Variants in FBXW7 observed in about 807,000 individuals in gnomAD.
The protein encoded by FBXW7 is F-box/WD repeat-containing protein 7.
A neutral mutation model predicts 86.3 loss-of-function variants in FBXW7; 11 were observed. That is an observed-to-expected ratio of 0.13 (90% CI 0.08 to 0.21). The LOEUF (loss-of-function observed/expected upper bound fraction) is 0.21. Ranked by LOEUF, FBXW7 falls within the 10% of genes least tolerant of loss-of-function variation. FBXW7 has a pLI of 1.00. For synonymous variants in FBXW7, 313 were observed against 297.9 expected, an observed-to-expected ratio of 1.05 and a Z score of -0.52; for missense variants, 488 against 847.4, an observed-to-expected ratio of 0.58 and a Z score of 5.27.
intron 2 of FBXW7, among the ~76,000 whole-genome samples, chr4:152,471,589 G>A (rs1276672265): frequency 6.6e-6 from 1 of 151,762 alleles, no homozygotes; most frequent in Non-Finnish European, 1.5e-5. Context: ...GGGAAAGAGG[G>A]AAAGAGAGAA....
In FBXW7 at chr4:152,324,324, T is replaced by C; in HGVS notation, c.1715A>G (p.Asn572Ser). 6.2e-7 allele frequency: 1 copy of C among 1,612,712 alleles called. No individual in the cohort carries two copies. The highest frequency in any genetic ancestry group is 8.5e-7 in the Non-Finnish European group (1 of 1,179,328). The change falls in exon 13 of 14, where the codon AAT becomes AGT. Residue 572 changes from asparagine to serine, a missense_variant. By Grantham distance (46) the Asn-to-Ser change is conservative. Coordinates refer to ENST00000281708, the MANE Select transcript of FBXW7 (RefSeq NM_001349798.2). ...SIRVWDVETG[N>S]CIHTLTGHQS... is the part of the protein sequence containing the mutation. ...GTGCCCTGTTAACGTGTGAATGCAA[T>C]TCCCTGTCTCCACATCCCAAACACG...
chr4:152,463,547 G>T (rs558777519), intron 2 of FBXW7, among the ~76,000 whole-genome samples: 1 of 152,040 alleles, frequency 6.6e-6, no homozygotes, highest in South Asian at 2.1e-4. Context: ...AGAATAGGTG[G>T]ACAGTTAAAA....
At chr4:152,483,654 T>C (rs1008069617) in intron 2 of FBXW7, among the ~76,000 whole-genome samples, 2 of 152,028 alleles carry the variant, frequency 1.3e-5, no homozygotes, top group African/African-American at 2.4e-5. Context: ...GCCATGATCA[T>C]GCCACTGCAC....
chr4:152,349,612 C>T (rs2126647033), intron 5 of FBXW7, among the ~76,000 whole-genome samples: 1 of 151,990 alleles, frequency 6.6e-6, no homozygotes, highest in South Asian at 2.1e-4. Context: ...ATTTCTAACA[C>T]ATTAATTTCA....
At chr4:152,396,396 C>T (rs1052736609) in intron 4 of FBXW7, among the ~76,000 whole-genome samples, 4 of 152,112 alleles carry the variant, frequency 2.6e-5, no homozygotes, top group African/African-American at 7.2e-5. Context: ...CCCCTCCCTA[C>T]AAGAGCTACT....
At chr4:152,371,165 T>G (rs947113239) in intron 4 of FBXW7, among the ~76,000 whole-genome samples, 14 of 152,040 alleles carry the variant, frequency 9.2e-5, no homozygotes, top group Admixed American at 2.0e-4. Flanking sequence ...TTAAATTATA[T>G]CTACTGTTAT....
At chr4:152,472,700 G>A (rs1398495127) in intron 2 of FBXW7, among the ~76,000 whole-genome samples, 1 of 152,126 alleles carries the variant, frequency 6.6e-6, no homozygotes, top group African/African-American at 2.4e-5. Context: ...CTGGGTTGTG[G>A]TTACAAAAGT....
intron 2 of FBXW7, among the ~76,000 whole-genome samples, chr4:152,495,609 T>C (rs1425602506): frequency 1.3e-5 from 2 of 152,222 alleles, no homozygotes; most frequent in Non-Finnish European, 2.9e-5. Context: ...TCTTAACCTA[T>C]ATTTATCCTT....
chr4:152,467,151 A>G (rs1743529467), intron 2 of FBXW7, among the ~76,000 whole-genome samples: 1 of 152,212 alleles, frequency 6.6e-6, no homozygotes, highest in South Asian at 2.1e-4. Flanking sequence ...CTTGAATTGC[A>G]GTTCTCACAA....
chr4:152,391,204 A>T (rs1735966775), intron 4 of FBXW7, among the ~76,000 whole-genome samples: 1 of 152,148 alleles, frequency 6.6e-6, no homozygotes, highest in South Asian at 2.1e-4. Flanking sequence ...TTAAGTATAG[A>T]ATTAAAGTAC....
Position 152,536,058 on chromosome 4 carries a change from C to G in FBXW7, c.-1144G>C, listed in dbSNP as rs1276504182. The G allele has an allele frequency of 4.1e-5, 8 of 194,948 alleles. No homozygotes were observed. In the South Asian group the frequency reaches 6.2e-4, roughly 15 times the overall value. The allele number at this position is 194,948 out of a possible 1,614,324, so 12.1% of individuals were successfully genotyped here. Reference sequence around the variant, plus strand: ...CCGGAGCTCAGCTCGCTGTCTCCCTCGCTCTGTGCGGGGCTCTCGCCTCAC... The same window carrying G: ...CCGGAGCTCAGCTCGCTGTCTCCCTGGCTCTGTGCGGGGCTCTCGCCTCAC... On this transcript the variant is annotated 5_prime_UTR_variant, in exon 1 of 14. Coordinates refer to ENST00000281708, the MANE Select transcript of FBXW7 (RefSeq NM_001349798.2).
At chr4:152,439,989 A>C (rs940624805) in intron 2 of FBXW7, among the ~76,000 whole-genome samples, 1 of 152,100 alleles carries the variant, frequency 6.6e-6, no homozygotes, top group Non-Finnish European at 1.5e-5. Flanking sequence ...TTTTATTGCT[A>C]CTAAACACTT....
chr4:152,454,690 A>G (rs1407324656), intron 2 of FBXW7, among the ~76,000 whole-genome samples: 1 of 152,168 alleles, frequency 6.6e-6, no homozygotes, highest in African/African-American at 2.4e-5. Context: ...GGCAACAGCT[A>G]AAAATGTAGT....
intron 2 of FBXW7, among the ~76,000 whole-genome samples, chr4:152,417,909 T>A (rs987594589): frequency 6.6e-6 from 1 of 151,824 alleles, no homozygotes; most frequent in Non-Finnish European, 1.5e-5. Flanking sequence ...CAAAGGACAA[T>A]AGGAGGGTAG....
intron 5 of FBXW7, among the ~76,000 whole-genome samples, chr4:152,349,107 C>A (rs1731552195): frequency 6.6e-6 from 1 of 151,868 alleles, no homozygotes; most frequent in South Asian, 2.1e-4. Context: ...CTGTAAGAGG[C>A]ACAATCTGCA....
chr4:152,505,740 G>C (rs1489873509), intron 2 of FBXW7, among the ~76,000 whole-genome samples: 2 of 148,000 alleles, frequency 1.4e-5, no homozygotes. Context: ...AGGCTGTTTT[G>C]CAATTTTTTT....
intron 2 of FBXW7, among the ~76,000 whole-genome samples, chr4:152,447,469 G>A (rs1251755381): frequency 6.6e-6 from 1 of 152,100 alleles, no homozygotes; most frequent in Non-Finnish European, 1.5e-5. Flanking sequence ...CAGCATCTGA[G>A]TTTCTATGAC....
chr4:152,411,256 T>C (rs1319641767), intron 4 of FBXW7, 47 bp downstream of exon 4: 2 of 1,500,498 alleles, frequency 1.3e-6, no homozygotes, highest in Non-Finnish European at 1.8e-6. Context: ...ACAATTAAAA[T>C]AGATATGTAA....
chr4:152,461,690 C>T (rs1742958782), intron 2 of FBXW7, among the ~76,000 whole-genome samples: 1 of 152,098 alleles, frequency 6.6e-6, no homozygotes, highest in Non-Finnish European at 1.5e-5. Flanking sequence ...ATTTGCATAT[C>T]TAATAATTTT....
Sources: allele counts gnomAD v4.1 joint callset (sites outside exome capture counted in the v4.1 genomes callset), GRCh38; gene constraint gnomAD v4.1.1; transcripts MANE v1.5; gene names NCBI Gene and HGNC (gene_info 2026-07-23, HGNC 2026-07-21).